Variants in STX6 observed in about 807,000 individuals in gnomAD.
The protein encoded by STX6 is syntaxin-6.
STX6 carries 23 observed loss-of-function variants against 38.0 expected under a neutral mutation model. That is an observed-to-expected ratio of 0.60 (90% CI 0.43 to 0.86). STX6 has a LOEUF of 0.86. Ranked by LOEUF, STX6 falls within the 40% of genes least tolerant of loss-of-function variation. The pLI, the probability that STX6 is intolerant of heterozygous loss-of-function variation, is 0.00. For synonymous variants in STX6, 123 were observed against 107.5 expected (o/e 1.14, Z -0.89); for missense variants, 274 against 312.9 (o/e 0.88, Z 0.94).
chr1:180,999,537 C>G (rs368247312), intron 3 of STX6, among the ~76,000 whole-genome samples: 1 of 152,070 alleles, frequency 6.6e-6, no homozygotes, highest in South Asian at 2.1e-4. Context: ...TTTGTACAGA[C>G]TTAAAAGATG....
chr1:180,987,136 A>G (rs1655610391), intron 6 of STX6, among the ~76,000 whole-genome samples: 1 of 152,116 alleles, frequency 6.6e-6, no homozygotes, highest in Admixed American at 6.5e-5. Context: ...CTCCAGACAC[A>G]TGGAACCTCT....
At chr1:181,009,364 G>A (rs917392476) in intron 1 of STX6, among the ~76,000 whole-genome samples, 2 of 151,500 alleles carry the variant, frequency 1.3e-5, no homozygotes, top group African/African-American at 4.9e-5. Flanking sequence ...AGCTACTCAG[G>A]AGGCTGAGGC....
intron 3 of STX6, among the ~76,000 whole-genome samples, chr1:180,999,825 T>A (rs1021471409): frequency 9.2e-5 from 14 of 152,220 alleles, no homozygotes; most frequent in African/African-American, 3.4e-4. Context: ...AACATAAATT[T>A]GTACAAATTC....
chr1:180,995,533 C>T lies in STX6; in HGVS notation c.301-2108G>A, dbSNP rs562464203. Among the ~76,000 whole-genome samples the T allele has an allele frequency of 5.3e-5, 8 of 152,314 alleles. No homozygotes were observed. In the South Asian group the frequency reaches 1.2e-3, roughly 24 times the overall value. ...TATTATTAAAAACTACGCAGAGCAA[C>T]ATTCACTAGGGGGATAATACATGCC... On this transcript the variant is annotated intron_variant, in intron 3 of 7. Coordinates refer to ENST00000258301, the MANE Select transcript of STX6 (RefSeq NM_005819.6).
chr1:180,993,317 C>G, intron 4 of STX6, 46 bp downstream of exon 4: 1 of 1,087,172 alleles, frequency 9.2e-7, no homozygotes, highest in Middle Eastern at 2.0e-4. Flanking sequence ...AAATATCTAA[C>G]TGTATGCTTT....
intron 3 of STX6, among the ~76,000 whole-genome samples, chr1:180,994,440 T>A (rs1188265062): frequency 6.6e-6 from 1 of 152,234 alleles, no homozygotes; most frequent in Non-Finnish European, 1.5e-5. Context: ...CAGCAGTGAA[T>A]GATACTAGCT....
At chr1:181,001,116 T>G (rs1353336269) in intron 3 of STX6, among the ~76,000 whole-genome samples, 1 of 152,186 alleles carries the variant, frequency 6.6e-6, no homozygotes, top group Non-Finnish European at 1.5e-5. Context: ...GAAAGGCAAC[T>G]AATGAATAAA....
intron 1 of STX6, among the ~76,000 whole-genome samples, chr1:181,020,876 T>C (rs1656706169): frequency 6.6e-6 from 1 of 152,226 alleles, no homozygotes; most frequent in African/African-American, 2.4e-5. Context: ...TGTAATGCAT[T>C]TTTGATACTT....
At chr1:181,013,084 C>A (rs1373285416) in intron 1 of STX6, among the ~76,000 whole-genome samples, 1 of 151,630 alleles carries the variant, frequency 6.6e-6, no homozygotes, top group African/African-American at 2.4e-5. Context: ...CTCTTCCATA[C>A]AACCTCCCAA....
chr1:181,003,134 G>C (rs75887780), intron 2 of STX6, among the ~76,000 whole-genome samples: 4 of 152,232 alleles, frequency 2.6e-5, no homozygotes, highest in Non-Finnish European at 5.9e-5. Flanking sequence ...TAGAGAGATC[G>C]GGCCTTCTTC....
intron 1 of STX6, among the ~76,000 whole-genome samples, chr1:181,021,475 C>T (rs1281199931): frequency 6.6e-6 from 1 of 152,030 alleles, no homozygotes; most frequent in East Asian, 1.9e-4. Context: ...CCTAAAATAC[C>T]ATTTAAATTT....
intron 1 of STX6, among the ~76,000 whole-genome samples, chr1:181,007,532 T>C (rs762523056): frequency 1.3e-5 from 2 of 152,194 alleles, no homozygotes; most frequent in Non-Finnish European, 2.9e-5. Flanking sequence ...TTTTAAAGAA[T>C]ATAAAATATA....
At position 180,973,491 on chromosome 1, in the gene STX6, A is replaced by T. The variant is rs1655174546; in HGVS notation, c.*3079T>A. On this transcript the variant is annotated 3_prime_UTR_variant, in exon 8 of 8. Coordinates refer to ENST00000258301, the MANE Select transcript of STX6 (RefSeq NM_005819.6). ...GACTAGATTTCTTTTCACAGCCCTT[A>T]ATCTCACGAGGTGAGAAGGAGTGGA... The T allele has an allele frequency of 6.5e-6, 1 of 152,684 alleles. No homozygotes were observed. Among genetic ancestry groups the T allele is most frequent in the African/African-American group, 2.4e-5 (1 of 41,470 alleles). The allele number at this position is 152,684 out of a possible 1,614,324, so 9.5% of individuals were successfully genotyped here.
chr1:181,014,399 A>G (rs1333691587), intron 1 of STX6, among the ~76,000 whole-genome samples: 1 of 152,072 alleles, frequency 6.6e-6, no homozygotes, highest in African/African-American at 2.4e-5. Context: ...ATCTCAAAAA[A>G]AAAAAAGAAA....
At chr1:181,009,928 T>C (rs550261536) in intron 1 of STX6, among the ~76,000 whole-genome samples, 8 of 152,244 alleles carry the variant, frequency 5.3e-5, no homozygotes, top group South Asian at 2.1e-4. Context: ...TACAACAACA[T>C]AGATGAATCT....
At chr1:181,022,559 C>G (rs1020588758) in intron 1 of STX6, 80 bp downstream of exon 1, 93 of 1,456,108 alleles carry the variant, frequency 6.4e-5, no homozygotes, top group Non-Finnish European at 4.4e-5. Context: ...TCCCCTCCCC[C>G]CACTGCGAGA....
In STX6 at chr1:180,999,235, T is replaced by C. The variant is rs528937609; in HGVS notation, c.300+3371A>G. Among the ~76,000 whole-genome samples the C allele has an allele frequency of 9.8e-5, 15 of 152,356 alleles. No individual in the cohort carries two copies. The South Asian group carries it at 2.9e-3, about 29-fold the overall frequency. On this transcript the variant is annotated intron_variant, in intron 3 of 7. Coordinates refer to ENST00000258301, the MANE Select transcript of STX6 (RefSeq NM_005819.6). ...AAAACTGAGATCCAGGGAGGTTGAA[T>C]GACTTACCATGGTTAAGATTTATTA...
intron 1 of STX6, 124 bp from the exon 2 acceptor site, chr1:181,005,587 G>A: frequency 2.4e-6 from 2 of 831,950 alleles, no homozygotes; most frequent in Non-Finnish European, 3.6e-6. Flanking sequence ...CCCACAGAAG[G>A]CTCTTCACAG....
intron 3 of STX6, 52 bp downstream of exon 3, chr1:181,002,554 A>C: frequency 7.5e-7 from 1 of 1,333,166 alleles, no homozygotes; most frequent in South Asian, 1.2e-5. Flanking sequence ...AAGAGCTCTA[A>C]GAAGTCTGGC....
Sources: allele counts gnomAD v4.1 joint callset (sites outside exome capture counted in the v4.1 genomes callset), GRCh38; gene constraint gnomAD v4.1.1; transcripts MANE v1.5; gene names NCBI Gene and HGNC (gene_info 2026-07-23, HGNC 2026-07-21).